Variants in LRP1B observed in about 807,000 individuals in gnomAD.
LRP1B encodes the protein low-density lipoprotein receptor-related protein 1B.
Under a neutral mutation model 556.6 loss-of-function variants are expected in LRP1B, and 217 were observed. The ratio of observed to expected loss-of-function variants is 0.39; its 90% CI spans 0.35 to 0.44. The LOEUF (loss-of-function observed/expected upper bound fraction) is 0.44. Among genes scored for constraint, LRP1B ranks in the 20% least tolerant of loss-of-function variants. The pLI is 1.00. For missense variants in LRP1B, 5,053 were observed against 5,620.8 expected, an observed-to-expected ratio of 0.90 and a Z score of 3.23; for synonymous variants, 2,047 against 1,865.8, an observed-to-expected ratio of 1.10 and a Z score of -2.50.
intron 1 of LRP1B, among the ~76,000 whole-genome samples, chr2:141,873,869 A>G (rs1698670665): frequency 6.6e-6 from 1 of 151,910 alleles, no homozygotes; most frequent in South Asian, 2.1e-4. Context: ...TACCAATGAA[A>G]AAGTACAAGT....
At chr2:140,670,889 T>A (rs1416253279) in intron 41 of LRP1B, among the ~76,000 whole-genome samples, 3 of 152,208 alleles carry the variant, frequency 2.0e-5, no homozygotes, top group Admixed American at 1.3e-4. Context: ...AGGCTGAAGA[T>A]GCAGAAACTG....
chr2:141,782,122 C>T (rs576306576), intron 2 of LRP1B, among the ~76,000 whole-genome samples: 2 of 152,056 alleles, frequency 1.3e-5, no homozygotes, highest in Non-Finnish European at 2.9e-5. Context: ...TAGAAAAATG[C>T]TGCAGTGAGT....
intron 3 of LRP1B, among the ~76,000 whole-genome samples, chr2:141,335,655 T>C (rs1687821625): frequency 6.6e-6 from 1 of 152,014 alleles, no homozygotes; most frequent in South Asian, 2.1e-4. Flanking sequence ...AATAAACTAA[T>C]AAAAACTAGA....
At chr2:140,630,628 AC>A (rs1683844518) in intron 41 of LRP1B, among the ~76,000 whole-genome samples, 1 of 152,206 alleles carries the variant, frequency 6.6e-6, no homozygotes, top group Non-Finnish European at 1.5e-5. Flanking sequence ...TGTGTGCTTT[AC>A]TTCTAGGAAC....
chr2:141,113,760 TATTA>T lies in LRP1B; in HGVS notation c.1014-51491_1014-51488del, dbSNP rs537451932. On this transcript the variant is annotated intron_variant, in intron 7 of 90. Coordinates refer to ENST00000389484, the MANE Select transcript of LRP1B (RefSeq NM_018557.3). The stretch of plus-strand genomic sequence containing the variant: ...TATATTAATTTTAAATGCAAAAAGC[TATTA>T]ATATTTCCCCAACTTGAAAGAAGTC... Among the ~76,000 whole-genome samples, 102 of 151,662 alleles carry T rather than the reference TATTA, an allele frequency of 6.7e-4. 1 individual carries two copies. The highest frequency in any genetic ancestry group is 6.8e-3 in the Middle Eastern group (2 of 292).
intron 89 of LRP1B, among the ~76,000 whole-genome samples, chr2:140,236,881 G>A (rs1680728550): frequency 6.6e-6 from 1 of 150,826 alleles, no homozygotes; most frequent in South Asian, 2.1e-4. Context: ...CAACACATTT[G>A]ATTAGAGCAT....
intron 1 of LRP1B, among the ~76,000 whole-genome samples, chr2:142,130,021 C>T (rs952049537): frequency 1.3e-5 from 2 of 152,128 alleles, no homozygotes; most frequent in African/African-American, 4.8e-5. Flanking sequence ...CTCAGAGCAC[C>T]TGGGCTGTGT....
chr2:141,962,532 C>T (rs912901351), intron 1 of LRP1B, among the ~76,000 whole-genome samples: 2 of 151,670 alleles, frequency 1.3e-5, no homozygotes, highest in African/African-American at 2.4e-5. Context: ...CAGAGGTGAC[C>T]GTCCATAGCA....
rs74980772 is a variant in LRP1B at position 140,317,950 on chromosome 2, G to T, written c.12641-2851C>A. ...TATAATGAAAAAGAAAGCTGCTTTT[G>T]TCAATAACTAAATCACCCCCAGAAG... is the stretch of plus-strand genomic sequence containing the variant. On this transcript the variant is annotated intron_variant, in intron 82 of 90. Coordinates refer to ENST00000389484, the MANE Select transcript of LRP1B (RefSeq NM_018557.3). Among the ~76,000 whole-genome samples the T allele has an allele frequency of 3.3e-4, 50 of 149,628 alleles. 1 individual carries two copies. The East Asian group carries it at 9.3e-3, about 28-fold the overall frequency.
At chr2:141,539,588 C>A (rs1685182044) in intron 2 of LRP1B, among the ~76,000 whole-genome samples, 1 of 152,014 alleles carries the variant, frequency 6.6e-6, no homozygotes, top group Non-Finnish European at 1.5e-5. Flanking sequence ...GCTCATAATT[C>A]AAGGATGTAC....
chr2:141,987,018 C>A (rs79932972), intron 1 of LRP1B, among the ~76,000 whole-genome samples: 2,924 of 152,024 alleles, frequency 0.019, 50 homozygotes, highest in East Asian at 0.072. Context: ...ATGCGGATAA[C>A]AGTATTAATT....
rs1553438383 is a variant in LRP1B at position 140,965,805 on chromosome 2, T to TTTA, written c.2888-13866_2888-13865insTAA. 3.4e-3 allele frequency among the ~76,000 whole-genome samples: 3 copies of TTTA among 888 alleles called. No individual in the cohort carries two copies. The Non-Finnish European group carries it at 0.088, about 26-fold the overall frequency. 0.6% of individuals were successfully genotyped at this position (888 alleles called of 152,430 possible). On this transcript the variant is annotated intron_variant, in intron 18 of 90. Transcript: ENST00000389484. ...CCCACCTGAGTGAGAACATGCAGTG[T>TTTA]TTTTTTTTTTTTCCCTGCAATAGTT...
chr2:140,255,517 A>G (rs1033076577), intron 86 of LRP1B, among the ~76,000 whole-genome samples: 3 of 152,156 alleles, frequency 2.0e-5, no homozygotes, highest in Admixed American at 6.6e-5. Flanking sequence ...ACCTTTGCCT[A>G]TGACTATGCT....
chr2:140,707,922 C>T (rs1686898038), intron 37 of LRP1B, among the ~76,000 whole-genome samples: 1 of 152,086 alleles, frequency 6.6e-6, no homozygotes, highest in African/African-American at 2.4e-5. Flanking sequence ...CACTACTGCA[C>T]TTTTCAAATT....
intron 1 of LRP1B, among the ~76,000 whole-genome samples, chr2:141,965,018 G>A (rs1484103159): frequency 1.8e-4 from 26 of 142,308 alleles, no homozygotes; most frequent in African/African-American, 6.0e-4. Context: ...CTGGCCATCA[G>A]AGAAATGCAA....
intron 43 of LRP1B, among the ~76,000 whole-genome samples, chr2:140,595,591 G>C (rs565448411): frequency 2.0e-5 from 3 of 151,932 alleles, no homozygotes; most frequent in Non-Finnish European, 4.4e-5. Context: ...AATTAACAAT[G>C]ACTTCTGCTA....
intron 21 of LRP1B, 62 bp downstream of exon 21, chr2:140,922,903 T>C (rs1377551401): frequency 6.9e-7 from 1 of 1,439,750 alleles, no homozygotes; most frequent in African/African-American, 1.4e-5. Flanking sequence ...AGATTCAGCC[T>C]GAGCCAAAAG....
rs575678848 is a variant in LRP1B, at chr2:142,121,162, C to T, written c.82+9486G>A. On this transcript the variant is annotated intron_variant, in intron 1 of 90. Transcript: ENST00000389484. ...AATGCAAATCTCTGTTGTAGCTTGTCGTTATTGCCACTACTACTCCCTCAT... is the reference window on the plus strand; with the variant it reads ...AATGCAAATCTCTGTTGTAGCTTGTTGTTATTGCCACTACTACTCCCTCAT... 3.9e-5 allele frequency among the ~76,000 whole-genome samples: 6 copies of T among 152,244 alleles called. No individual in the cohort carries two copies. The South Asian group carries it at 8.3e-4, about 21-fold the overall frequency.
chr2:141,414,315 GA>G, intron 3 of LRP1B, among the ~76,000 whole-genome samples: 1 of 147,330 alleles, frequency 6.8e-6, no homozygotes, highest in East Asian at 2.1e-4. Flanking sequence ...AAAGAAAAAA[GA>G]AAGAGATAAA....
Sources: gnomAD v4.1 joint callset for allele counts (sites outside exome capture counted in the v4.1 genomes callset) on GRCh38, gnomAD v4.1.1 for gene constraint, MANE v1.5 for transcripts, NCBI Gene and HGNC (gene_info 2026-07-23, HGNC 2026-07-21) for gene names.